AGAP1: variants seen among roughly 807,000 people sequenced by gnomAD.
AGAP1 encodes ArfGAP with GTPase domain, ankyrin repeat and PH domain 1.
In AGAP1, 29 loss-of-function variants were observed where a neutral mutation model predicts 105.3. The observed-to-expected ratio is 0.28, with a 90% CI of 0.21 to 0.38. The LOEUF (loss-of-function observed/expected upper bound fraction) is 0.38, where lower values mean the gene tolerates loss of function less well. AGAP1 is among the 10% of genes least tolerant of loss of function. The probability of loss-of-function intolerance (pLI) is 1.00; values close to 1 mark genes in which losing one functional copy is unlikely to be tolerated. For synonymous variants in AGAP1, 509 were observed against 485.9 expected (o/e 1.05, Z -0.63); for missense variants, 998 against 1,165.1 (o/e 0.86, Z 2.09).
At chr2:236,091,468 T>C (rs1371976887) in intron 16 of AGAP1, among the ~76,000 whole-genome samples, 2 of 152,202 alleles carry the variant, frequency 1.3e-5, no homozygotes. Context: ...TAGGCACTTA[T>C]CCTAGAGAAA....
Position 236,130,102 on chromosome 2 carries a change from C to G in AGAP1, c.*5980C>G, listed in dbSNP as rs2060062712. 1 of 152,254 alleles carries G rather than the reference C, an allele frequency of 6.6e-6. No homozygotes were observed. The allele number at this position is 152,254 out of a possible 1,614,324, so 9.4% of individuals were successfully genotyped here. On this transcript the variant is annotated 3_prime_UTR_variant, in exon 18 of 18. Transcript: ENST00000304032. The surrounding 1 kb of genome is among the most constrained non-coding windows in gnomAD (Gnocchi z 5.8). ...TGCATGGGCTCTGAAAGCCCCAGAG[C>G]TCAGGCCTAAGGCTGCTAGGTGAGA...
intron 16 of AGAP1, among the ~76,000 whole-genome samples, chr2:236,077,698 C>G (rs1364968025): frequency 6.6e-6 from 1 of 152,170 alleles, no homozygotes; most frequent in Non-Finnish European, 1.5e-5. Flanking sequence ...ATAGTCATCC[C>G]CCTTGGACAT....
chr2:235,831,093 T>TGCTG, intron 9 of AGAP1, among the ~76,000 whole-genome samples: 1 of 151,910 alleles, frequency 6.6e-6, no homozygotes, highest in African/African-American at 2.4e-5. Flanking sequence ...TACCAGCACC[T>TGCTG]GCTGGCTGCT....
At chr2:235,668,052 G>A (rs1365571278) in intron 1 of AGAP1, among the ~76,000 whole-genome samples, 2 of 150,604 alleles carry the variant, frequency 1.3e-5, no homozygotes, top group East Asian at 2.0e-4. Flanking sequence ...CAATGAGGAT[G>A]TAATCAGAGG....
rs918648290 is a variant in AGAP1 at position 235,893,512 on chromosome 2, G to A, written c.1155+10063G>A. On this transcript the variant is annotated intron_variant, in intron 10 of 17. Coordinates refer to ENST00000304032, the MANE Select transcript of AGAP1 (RefSeq NM_001037131.3). The surrounding 1 kb of genome is among the most constrained non-coding windows in gnomAD (Gnocchi z 4.7). ...GAGCCATGTTTGTGGCGTGGGTGTG[G>A]CATGTCCACGAGGGTGCACCATGTC... 1.1e-4 allele frequency among the ~76,000 whole-genome samples: 16 copies of A among 145,420 alleles called. No homozygotes were observed. The highest frequency in any genetic ancestry group is 2.4e-4 in the Non-Finnish European group (16 of 66,310).
chr2:235,515,936 G>C (rs553422409), intron 1 of AGAP1, among the ~76,000 whole-genome samples: 1 of 152,262 alleles, frequency 6.6e-6, no homozygotes, highest in East Asian at 1.9e-4. Flanking sequence ...TGCTAGGAGC[G>C]GGGAGAAGTT....
Position 235,674,317 on chromosome 2 carries a change from G to A in AGAP1, c.164-34862G>A, listed in dbSNP as rs987150685. On this transcript the variant is annotated intron_variant, in intron 1 of 17. Transcript: ENST00000304032. Reference sequence around the variant, plus strand: ...ATACACATGTGTTAGGGCAGAGTCCGTTGACTCAAGTATAATTTAATACAA... The same window carrying A: ...ATACACATGTGTTAGGGCAGAGTCCATTGACTCAAGTATAATTTAATACAA... 3.3e-5 allele frequency among the ~76,000 whole-genome samples: 5 copies of A among 152,340 alleles called. No individual in the cohort carries two copies. In the East Asian group the frequency reaches 5.8e-4, roughly 18 times the overall value.
At chr2:236,122,966 A>G (rs1175291732) in intron 17 of AGAP1, among the ~76,000 whole-genome samples, 1 of 152,148 alleles carries the variant, frequency 6.6e-6, no homozygotes, top group African/African-American at 2.4e-5. Context: ...TCCAGGCATG[A>G]GCCACCGTGT....
intron 1 of AGAP1, among the ~76,000 whole-genome samples, chr2:235,584,040 G>T (rs1446322872): frequency 6.6e-6 from 1 of 152,058 alleles, no homozygotes; most frequent in African/African-American, 2.4e-5. Flanking sequence ...TGCCCACATT[G>T]CATTATCAGG....
At chr2:235,942,653 CAA>C (rs1386112252) in intron 12 of AGAP1, among the ~76,000 whole-genome samples, 3 of 146,908 alleles carry the variant, frequency 2.0e-5, no homozygotes, top group East Asian at 2.0e-4. Flanking sequence ...GCCTGGGTAA[CAA>C]GAGCGAAACT....
rs117157536 is a variant in AGAP1 at position 236,052,892 on chromosome 2, C to T, written c.2114+3611C>T. Among the ~76,000 whole-genome samples, 131 of 152,270 alleles carry T rather than the reference C, an allele frequency of 8.6e-4. No homozygotes were observed. The East Asian group carries it at 0.023, about 26-fold the overall frequency. ...TTCCCCTCTCTAATTGCTATTGATA[C>T]CATTTAAGCACACACTTAAAATATC... is the stretch of plus-strand genomic sequence containing the variant. On this transcript the variant is annotated intron_variant, in intron 16 of 17. Transcript: ENST00000304032.
chr2:235,978,817 A>G lies in AGAP1; in HGVS notation c.1645+10194A>G, dbSNP rs557857132. On this transcript the variant is annotated intron_variant, in intron 13 of 17. Coordinates refer to ENST00000304032, the MANE Select transcript of AGAP1 (RefSeq NM_001037131.3). ...CCACCACTGCCCTTGAGAACTGGGAAGCAGTCATTCCTTTGCTGGTTTTCT... is the reference window on the plus strand; with the variant it reads ...CCACCACTGCCCTTGAGAACTGGGAGGCAGTCATTCCTTTGCTGGTTTTCT... 2.2e-3 allele frequency among the ~76,000 whole-genome samples: 339 copies of G among 152,252 alleles called. 2 individuals carry two copies. Among genetic ancestry groups the G allele is most frequent in the African/African-American group, 7.4e-3 (309 of 41,544 alleles).
In AGAP1 at chr2:235,989,177, G is replaced by C. The variant is rs1303051858; in HGVS notation, c.1645+20554G>C. ...AGGCAATACCAGGTCTTAACAGCTT[G>C]TTGTCTGTGGTGTCTTCCTTCTTCC... On this transcript the variant is annotated intron_variant, in intron 13 of 17. Transcript: ENST00000304032. The surrounding 1 kb of genome is among the most constrained non-coding windows in gnomAD (Gnocchi z 4.4). Among the ~76,000 whole-genome samples, 1 of 152,188 alleles carries C rather than the reference G, an allele frequency of 6.6e-6. No homozygotes were observed. The highest frequency in any genetic ancestry group is 1.9e-4 in the East Asian group (1 of 5,190).
At chr2:235,896,917 C>A (rs1432213376) in intron 10 of AGAP1, among the ~76,000 whole-genome samples, 1 of 152,122 alleles carries the variant, frequency 6.6e-6, no homozygotes, top group Non-Finnish European at 1.5e-5. Flanking sequence ...GTTTTATATA[C>A]CCTCAGGGTT....
At chr2:235,646,778 C>T (rs546701002) in intron 1 of AGAP1, among the ~76,000 whole-genome samples, 2 of 152,206 alleles carry the variant, frequency 1.3e-5, no homozygotes, top group South Asian at 2.1e-4. Flanking sequence ...CTGAGGCCTT[C>T]TGTACAACCT....
At position 236,096,442 on chromosome 2, in the gene AGAP1, A is replaced by G. The variant is rs1348173239; in HGVS notation, c.2115-23750A>G. ...CTTGAACCTGAGAGGCAGAGGTTGC[A>G]GTGAGCCAAGATCGCACCACTGCAC... On this transcript the variant is annotated intron_variant, in intron 16 of 17. Coordinates refer to ENST00000304032, the MANE Select transcript of AGAP1 (RefSeq NM_001037131.3). The surrounding 1 kb of genome is among the most constrained non-coding windows in gnomAD (Gnocchi z 4.4). Among the ~76,000 whole-genome samples the G allele has an allele frequency of 2.7e-5, 4 of 150,582 alleles. No homozygotes were observed. The highest frequency in any genetic ancestry group is 4.4e-5 in the Non-Finnish European group (3 of 67,744).
At chr2:235,990,882 A>G (rs1046211359) in intron 13 of AGAP1, among the ~76,000 whole-genome samples, 2 of 152,250 alleles carry the variant, frequency 1.3e-5, no homozygotes, top group Non-Finnish European at 2.9e-5. Flanking sequence ...CAATGGAACA[A>G]GATAGAGTAA....
chr2:235,605,408 C>T (rs1945895240), intron 1 of AGAP1, among the ~76,000 whole-genome samples: 1 of 152,240 alleles, frequency 6.6e-6, no homozygotes, highest in Non-Finnish European at 1.5e-5. Context: ...AATTTCGCCA[C>T]ATGCGAAGAT....
rs996576762 is a variant in AGAP1, at chr2:235,574,381, C to G, written c.163+79532C>G. ...TTGTATGTGTGAAGCATTTTTTCTT[C>G]TTTGCTAAATGCATAAACTGTATAA... On this transcript the variant is annotated intron_variant, in intron 1 of 17. Coordinates refer to ENST00000304032, the MANE Select transcript of AGAP1 (RefSeq NM_001037131.3). The surrounding 1 kb of genome is among the most constrained non-coding windows in gnomAD (Gnocchi z 5.0). Among the ~76,000 whole-genome samples, 3 of 152,150 alleles carry G rather than the reference C, an allele frequency of 2.0e-5. No individual in the cohort carries two copies. The highest frequency in any genetic ancestry group is 2.9e-5 in the Non-Finnish European group (2 of 68,010).
Sources: allele counts gnomAD v4.1 joint callset (sites outside exome capture counted in the v4.1 genomes callset), GRCh38; gene constraint gnomAD v4.1.1; non-coding constraint Gnocchi (gnomAD v3.1); transcripts MANE v1.5; gene names NCBI Gene and HGNC (gene_info 2026-07-23, HGNC 2026-07-21).